Variants in RFTN2 observed in about 807,000 individuals in gnomAD.
RFTN2 encodes raftlin family member 2, also known as raftlin-2.
In RFTN2, 34 loss-of-function variants were observed where a neutral mutation model predicts 52.7. The ratio of observed to expected loss-of-function variants is 0.64; its 90% CI spans 0.49 to 0.86. RFTN2 has a LOEUF of 0.86. Ranked by LOEUF, RFTN2 falls within the 40% of genes least tolerant of loss-of-function variation. RFTN2 has a pLI of 0.00. For synonymous variants in RFTN2, 203 were observed against 217.7 expected, an observed-to-expected ratio of 0.93 and a Z score of 0.59; for missense variants, 536 against 600.1, an observed-to-expected ratio of 0.89 and a Z score of 1.12.
chr2:197,589,574 C>T (rs796237261), intron 8 of RFTN2, among the ~76,000 whole-genome samples: 1 of 152,262 alleles, frequency 6.6e-6, no homozygotes, highest in African/African-American at 2.4e-5. Flanking sequence ...TGTATGATAT[C>T]TCATTATGAG....
At chr2:197,610,927 G>A (rs977799025) in intron 7 of RFTN2, among the ~76,000 whole-genome samples, 8 of 152,142 alleles carry the variant, frequency 5.3e-5, no homozygotes, top group Non-Finnish European at 1.0e-4. Context: ...ATTGATTTGT[G>A]TATGTTGAAC....
intron 8 of RFTN2, among the ~76,000 whole-genome samples, chr2:197,583,209 TC>T (rs1414602840): frequency 6.6e-6 from 1 of 152,134 alleles, no homozygotes; most frequent in Non-Finnish European, 1.5e-5. Flanking sequence ...TTGTTCAGGC[TC>T]CCTCACTTCC....
At chr2:197,612,165 C>A (rs2088071814) in intron 7 of RFTN2, among the ~76,000 whole-genome samples, 2 of 152,000 alleles carry the variant, frequency 1.3e-5, no homozygotes, top group African/African-American at 4.8e-5. Context: ...TGGTATAGTA[C>A]AACTTGATTC....
intron 8 of RFTN2, among the ~76,000 whole-genome samples, chr2:197,581,544 C>A (rs1341310530): frequency 6.6e-6 from 1 of 152,170 alleles, no homozygotes; most frequent in African/African-American, 2.4e-5. Flanking sequence ...CCCTCCACTT[C>A]TCACCTTATT....
At chr2:197,669,534 A>G (rs1428732341) in intron 1 of RFTN2, among the ~76,000 whole-genome samples, 1 of 152,120 alleles carries the variant, frequency 6.6e-6, no homozygotes, top group Non-Finnish European at 1.5e-5. Context: ...TTTTCTACAG[A>G]TGTGGGTGGG....
At chr2:197,603,629 C>T (rs2087913682) in intron 7 of RFTN2, among the ~76,000 whole-genome samples, 1 of 152,064 alleles carries the variant, frequency 6.6e-6, no homozygotes, top group African/African-American at 2.4e-5. Flanking sequence ...ATGAATAGAA[C>T]TTTAGGCCGG....
At chr2:197,592,763 T>C in intron 8 of RFTN2, among the ~76,000 whole-genome samples, 1 of 152,198 alleles carries the variant, frequency 6.6e-6, no homozygotes, top group Middle Eastern at 3.2e-3. Flanking sequence ...ACTGCATAAA[T>C]TTTTTCAAGG....
At chr2:197,597,223 G>C (rs925789183) in intron 7 of RFTN2, among the ~76,000 whole-genome samples, 1 of 152,022 alleles carries the variant, frequency 6.6e-6, no homozygotes, top group Non-Finnish European at 1.5e-5. Context: ...TTTTATTTTT[G>C]AAAGGCTGTT....
intron 3 of RFTN2, among the ~76,000 whole-genome samples, chr2:197,643,240 C>T (rs991394867): frequency 4.6e-5 from 7 of 152,044 alleles, no homozygotes; most frequent in South Asian, 2.1e-4. Flanking sequence ...TGTGCCACCA[C>T]GTCCTGCTGA....
At position 197,572,071 on chromosome 2, in the gene RFTN2, G is replaced by A. The variant is rs140450695; in HGVS notation, c.1443C>T (p.Leu481=). 3,101 of 1,614,206 alleles carry A rather than the reference G, an allele frequency of 1.9e-3. 17 individuals are homozygous for A. Among genetic ancestry groups the A allele is most frequent in the Admixed American group, 2.4e-3 (145 of 60,022 alleles). ...FSGFSSSDNV[L]RELDDGQFDQ... is the part of the protein sequence containing the mutation. The stretch of plus-strand genomic sequence containing the variant: ...CAAACTGTCCGTCGTCTAATTCCCG[G>A]AGGACGTTGTCACTGCTGCTGAACC... Residue 481 remains leucine, a synonymous_variant, in exon 9 of 9, where the codon CTC becomes CTT. Transcript: ENST00000295049.
intron 7 of RFTN2, among the ~76,000 whole-genome samples, chr2:197,610,085 T>C (rs2088030916): frequency 6.6e-6 from 1 of 152,204 alleles, no homozygotes; most frequent in South Asian, 2.1e-4. Context: ...CTTAGGATTT[T>C]CTTGGCAATG....
Position 197,594,821 on chromosome 2 carries a change from C to T in RFTN2, c.1233+1170G>A, listed in dbSNP as rs539026215. On this transcript the variant is annotated intron_variant, in intron 8 of 8. Transcript: ENST00000295049. ...CGATTTACCTACTGACCCAGCCAGC[C>T]TCTTTCCAAAATTAATGTGAGACAA... 5.1e-4 allele frequency among the ~76,000 whole-genome samples: 77 copies of T among 152,336 alleles called. 2 individuals are homozygous for T. The South Asian group carries it at 8.3e-3, about 16-fold the overall frequency.
chr2:197,590,912 A>G (rs1234668998), intron 8 of RFTN2, among the ~76,000 whole-genome samples: 5 of 152,138 alleles, frequency 3.3e-5, no homozygotes, highest in Admixed American at 1.3e-4. Context: ...TGCAAAAAGT[A>G]AAAAAACAAA....
chr2:197,640,299 G>C lies in RFTN2; in HGVS notation c.438+3859C>G, dbSNP rs376391929. On this transcript the variant is annotated intron_variant, in intron 3 of 8. Coordinates refer to ENST00000295049, the MANE Select transcript of RFTN2 (RefSeq NM_144629.3). ...TTCCTGGCTGCTTTGTTTACCTAAGGAAGCCTGGGCAATGGCGGGCGCCCC... is the reference window on the plus strand; with the variant it reads ...TTCCTGGCTGCTTTGTTTACCTAAGCAAGCCTGGGCAATGGCGGGCGCCCC... Among the ~76,000 whole-genome samples, 1,050 of 134,788 alleles carry C rather than the reference G, an allele frequency of 7.8e-3. 29 individuals are homozygous for C. Among genetic ancestry groups the C allele is most frequent in the African/African-American group, 0.027 (942 of 34,868 alleles). 88.4% of individuals were successfully genotyped at this position (134,788 alleles called of 152,430 possible).
chr2:197,618,299 G>C (rs1438767096), intron 5 of RFTN2, among the ~76,000 whole-genome samples: 1 of 152,300 alleles, frequency 6.6e-6, no homozygotes, highest in African/African-American at 2.4e-5. Context: ...TGTTGGCCGG[G>C]CTGGTCTCCA....
intron 1 of RFTN2, among the ~76,000 whole-genome samples, chr2:197,673,195 C>G (rs2089170527): frequency 6.6e-6 from 1 of 152,190 alleles, no homozygotes; most frequent in Admixed American, 6.5e-5. Flanking sequence ...TGGCCTCTGA[C>G]AGGCAGGAGG....
intron 7 of RFTN2, among the ~76,000 whole-genome samples, chr2:197,607,272 T>C (rs559172441): frequency 7.2e-4 from 110 of 152,136 alleles, no homozygotes; most frequent in Admixed American, 2.3e-3. Context: ...CAGGTGGGAA[T>C]TGAACAACGA....
chr2:197,577,340 C>T (rs982045298), intron 8 of RFTN2, among the ~76,000 whole-genome samples: 9 of 152,200 alleles, frequency 5.9e-5, no homozygotes. Flanking sequence ...CAACAATGGC[C>T]CACCTTCGTG....
At chr2:197,626,341 G>A (rs2088358600) in intron 5 of RFTN2, among the ~76,000 whole-genome samples, 2 of 152,016 alleles carry the variant, frequency 1.3e-5, no homozygotes, top group Non-Finnish European at 2.9e-5. Flanking sequence ...CAAAGCTGGA[G>A]GATCACTTGA....
Sources: gnomAD v4.1 joint callset for allele counts (sites outside exome capture counted in the v4.1 genomes callset) on GRCh38, gnomAD v4.1.1 for gene constraint, MANE v1.5 for transcripts, NCBI Gene and HGNC (gene_info 2026-07-23, HGNC 2026-07-21) for gene names.